ANKH: variants seen among roughly 807,000 people sequenced by gnomAD.
ANKH encodes the protein ANKH inorganic pyrophosphate transport regulator.
A neutral mutation model predicts 49.0 loss-of-function variants in ANKH; 15 were observed. That is an observed-to-expected ratio of 0.31 (90% CI 0.20 to 0.47). The LOEUF (loss-of-function observed/expected upper bound fraction) is 0.47, where lower values mean the gene tolerates loss of function less well. Among genes scored for constraint, ANKH ranks in the 20% least tolerant of loss-of-function variants. ANKH has a pLI of 1.00. For missense variants in ANKH, 429 were observed against 652.0 expected, an observed-to-expected ratio of 0.66 and a Z score of 3.72; for synonymous variants, 273 against 260.0, an observed-to-expected ratio of 1.05 and a Z score of -0.48.
At chr5:14,767,480 AT>A (rs1739293677) in intron 2 of ANKH, among the ~76,000 whole-genome samples, 3 of 152,222 alleles carry the variant, frequency 2.0e-5, no homozygotes, top group Admixed American at 1.3e-4. Context: ...ACAGAAAACC[AT>A]TTTGGTTTAA....
chr5:14,718,836 C>CA (rs1024732831), intron 8 of ANKH, among the ~76,000 whole-genome samples: 5 of 145,004 alleles, frequency 3.4e-5, no homozygotes, highest in Non-Finnish European at 4.5e-5. Context: ...ACCACCCCCC[C>CA]CCCAAAAAAA....
At chr5:14,866,186 A>G (rs1735639413) in intron 1 of ANKH, among the ~76,000 whole-genome samples, 1 of 152,142 alleles carries the variant, frequency 6.6e-6, no homozygotes, top group African/African-American at 2.4e-5. Flanking sequence ...TTGTATTTTT[A>G]GTAGAGACGG....
chr5:14,839,885 C>A (rs373866433), intron 1 of ANKH, among the ~76,000 whole-genome samples: 17 of 152,190 alleles, frequency 1.1e-4, no homozygotes, highest in African/African-American at 4.1e-4. Flanking sequence ...GAAACATGAC[C>A]CTGACTGGCA....
intron 6 of ANKH, among the ~76,000 whole-genome samples, chr5:14,748,025 C>T (rs574213737): frequency 6.6e-6 from 1 of 152,286 alleles, no homozygotes; most frequent in Admixed American, 6.5e-5. Context: ...CTGTACCCCA[C>T]GTGCTGTTCC....
intron 8 of ANKH, among the ~76,000 whole-genome samples, chr5:14,736,023 T>A: frequency 6.9e-6 from 1 of 145,056 alleles, no homozygotes; most frequent in East Asian, 2.0e-4. Context: ...TTTTTTTTTT[T>A]TTTTTTTTTT....
At chr5:14,824,162 A>C (rs187159031) in intron 1 of ANKH, among the ~76,000 whole-genome samples, 2 of 152,280 alleles carry the variant, frequency 1.3e-5, no homozygotes. Flanking sequence ...CCTTCCTTGA[A>C]AGAAGGAAAA....
At chr5:14,857,343 G>A (rs1388417945) in intron 1 of ANKH, among the ~76,000 whole-genome samples, 1 of 152,128 alleles carries the variant, frequency 6.6e-6, no homozygotes, top group Non-Finnish European at 1.5e-5. Flanking sequence ...AAGTCCAGAG[G>A]CAGTTTAAAA....
chr5:14,711,300 A>C lies in ANKH; in HGVS notation c.1376T>G (p.Met459Arg), dbSNP rs1561016268. The C allele has an allele frequency of 6.2e-7, 1 of 1,613,802 alleles. No homozygotes were observed. Among genetic ancestry groups the C allele is most frequent in the African/African-American group, 1.3e-5 (1 of 74,880 alleles). Residue 459 changes from methionine (M) to arginine (R), a missense_variant, in exon 12 of 12, where the codon ATG (methionine) becomes AGG (arginine). Transcript: ENST00000284268. ...CCCCTCCGTGGCCGACTCATTCTCCATCTTCTTTTTCTAGACCAAAGAAGA... is the reference window on the plus strand; with the variant it reads ...CCCCTCCGTGGCCGACTCATTCTCCCTCTTCTTTTTCTAGACCAAAGAAGA... ...CYVYRKQKKK[M>R]ENESATEGED...
At chr5:14,740,427 G>A (rs1738317786) in intron 8 of ANKH, among the ~76,000 whole-genome samples, 1 of 152,198 alleles carries the variant, frequency 6.6e-6, no homozygotes, top group Non-Finnish European at 1.5e-5. Context: ...AGGGGAGCAT[G>A]GCTGCCTGGG....
chr5:14,744,401 G>A (rs953575828), intron 7 of ANKH, among the ~76,000 whole-genome samples: 1 of 152,284 alleles, frequency 6.6e-6, no homozygotes, highest in East Asian at 1.9e-4. Context: ...GCTTAGGCAG[G>A]GGAATCCCTC....
chr5:14,714,324 G>A (rs1737361826), intron 9 of ANKH, among the ~76,000 whole-genome samples: 1 of 152,248 alleles, frequency 6.6e-6, no homozygotes, highest in Admixed American at 6.5e-5. Flanking sequence ...GGAGGGCCAT[G>A]GGTGGACAGC....
intron 1 of ANKH, among the ~76,000 whole-genome samples, chr5:14,835,526 T>C (rs899239110): frequency 6.6e-6 from 1 of 152,152 alleles, no homozygotes; most frequent in Non-Finnish European, 1.5e-5. Flanking sequence ...AGACTGAGGG[T>C]CCTGTTTCCC....
intron 3 of ANKH, among the ~76,000 whole-genome samples, chr5:14,757,835 G>C (rs1373470599): frequency 6.6e-6 from 1 of 152,186 alleles, no homozygotes; most frequent in East Asian, 1.9e-4. Flanking sequence ...TGAGTACTCT[G>C]ATGGTGGTAT....
At chr5:14,763,279 G>A (rs913576859) in intron 2 of ANKH, among the ~76,000 whole-genome samples, 3 of 152,208 alleles carry the variant, frequency 2.0e-5, no homozygotes, top group Non-Finnish European at 2.9e-5. Context: ...ACCAGCTTGC[G>A]AGGCTTTTCA....
chr5:14,720,246 T>G (rs1264685075), intron 8 of ANKH, among the ~76,000 whole-genome samples: 1 of 152,192 alleles, frequency 6.6e-6, no homozygotes. Flanking sequence ...ACTATCTCAT[T>G]TAATCCTACT....
At chr5:14,767,649 C>T (rs1046077362) in intron 2 of ANKH, among the ~76,000 whole-genome samples, 1 of 152,020 alleles carries the variant, frequency 6.6e-6, no homozygotes, top group Non-Finnish European at 1.5e-5. Flanking sequence ...CTGTTTAGTC[C>T]CAAAGTTTCA....
At position 14,710,198 on chromosome 5, in the gene ANKH, A is replaced by G. The variant is rs957305303; in HGVS notation, c.*999T>C. The G allele has an allele frequency of 5.9e-5, 9 of 152,168 alleles. No homozygotes were observed. The highest frequency in any genetic ancestry group is 2.9e-5 in the Non-Finnish European group (2 of 68,032). The allele number at this position is 152,168 out of a possible 1,614,324, so 9.4% of individuals were successfully genotyped here. On this transcript the variant is annotated 3_prime_UTR_variant, in exon 12 of 12. Coordinates refer to ENST00000284268, the MANE Select transcript of ANKH (RefSeq NM_054027.6). ...ATGACTAAGGATAGCAGAACCAGGT[A>G]ATATATCTACTTCAAAAGTTACCCT...
In ANKH at chr5:14,793,057, T is replaced by TATA. The variant is rs1451315549; in HGVS notation, c.97-23867_97-23866insTAT. ...ATAAAAATATATATATAAATATATA[T>TATA]AAAATATATATAAATATATAAAAAT... On this transcript the variant is annotated intron_variant, in intron 1 of 11. Transcript: ENST00000284268. Among the ~76,000 whole-genome samples, 20 of 54,620 alleles carry TATA rather than the reference T, an allele frequency of 3.7e-4. 1 individual carries two copies. Among genetic ancestry groups the TATA allele is most frequent in the African/African-American group, 5.4e-4 (8 of 14,692 alleles). 35.8% of individuals were successfully genotyped at this position (54,620 alleles called of 152,430 possible).
chr5:14,849,694 T>A (rs1006614753), intron 1 of ANKH, among the ~76,000 whole-genome samples: 1 of 152,228 alleles, frequency 6.6e-6, no homozygotes, highest in African/African-American at 2.4e-5. Flanking sequence ...TCACGAATGT[T>A]GCTCTTCACA....
Sources: allele counts gnomAD v4.1 joint callset (sites outside exome capture counted in the v4.1 genomes callset), GRCh38; gene constraint gnomAD v4.1.1; transcripts MANE v1.5; gene names NCBI Gene and HGNC (gene_info 2026-07-23, HGNC 2026-07-21).